Variants in SP100 observed in about 807,000 individuals in gnomAD.
SP100 encodes nuclear autoantigen Sp-100.
SP100 carries 84 observed loss-of-function variants against 130.0 expected under a neutral mutation model. The observed-to-expected ratio is 0.65, with a 90% CI of 0.54 to 0.77. The LOEUF (loss-of-function observed/expected upper bound fraction) is 0.77. Among genes scored for constraint, SP100 ranks in the 30% least tolerant of loss-of-function variants. The pLI is 0.00. For synonymous variants in SP100, 331 were observed against 351.7 expected (o/e 0.94, Z 0.66); for missense variants, 978 against 1,052.2 (o/e 0.93, Z 0.97).
At chr2:230,517,408 G>A (rs1018998977) in intron 24 of SP100, among the ~76,000 whole-genome samples, 7 of 152,052 alleles carry the variant, frequency 4.6e-5, no homozygotes, top group Admixed American at 3.9e-4. Context: ...CTCTTTTAAA[G>A]CTCAGTTTTC....
At position 230,515,907 on chromosome 2, in the gene SP100, AC is replaced by A. The variant is rs550252896; in HGVS notation, c.2094+4742del. 39 of 1,177,852 alleles carry A rather than the reference AC, an allele frequency of 3.3e-5. No homozygotes were observed. The African/African-American group carries it at 5.8e-4, about 18-fold the overall frequency. 73.0% of individuals were successfully genotyped at this position (1,177,852 alleles called of 1,614,324 possible). A position where few individuals can be genotyped will look rare whatever the true frequency, so the allele number is the denominator to read the frequency against. On this transcript the variant is annotated intron_variant, in intron 24 of 28. Coordinates refer to ENST00000340126, the MANE Select transcript of SP100 (RefSeq NM_001080391.2). ...ATTTAAAGCAGGTTCTTGTTAGTGC[AC>A]AGCACAAATTAGTTGTATATGAGGA... is the stretch of plus-strand genomic sequence containing the variant.
chr2:230,507,185 T>C (rs1173025756), intron 22 of SP100: 1 of 152,180 alleles, frequency 6.6e-6, no homozygotes, highest in African/African-American at 2.4e-5. Context: ...GGTCCTGGGC[T>C]TAGTGTACTA....
chr2:230,511,313 G>A, intron 24 of SP100, 147 bp downstream of exon 24: 1 of 684,488 alleles, frequency 1.5e-6, no homozygotes, highest in Non-Finnish European at 2.7e-6. Context: ...CCAGGTACCT[G>A]GGTCTGGGAT....
chr2:230,435,355 G>A (rs62193379), intron 2 of SP100, among the ~76,000 whole-genome samples: 15,861 of 152,094 alleles, frequency 0.1, 878 homozygotes, highest in Admixed American at 0.11. Context: ...TGTAGTCTTT[G>A]CCCATTAATA....
chr2:230,475,750 C>T (rs777697574), intron 17 of SP100, among the ~76,000 whole-genome samples: 5 of 152,204 alleles, frequency 3.3e-5, no homozygotes, highest in Non-Finnish European at 2.9e-5. Flanking sequence ...CGTTTTTCTT[C>T]GTATGTCTAG....
intron 8 of SP100, among the ~76,000 whole-genome samples, chr2:230,455,306 C>G (rs2064218443): frequency 6.6e-6 from 1 of 152,176 alleles, no homozygotes; most frequent in African/African-American, 2.4e-5. Flanking sequence ...TCAAGCAATA[C>G]TTTCACCTCA....
At chr2:230,425,836 A>G (rs973392736) in intron 2 of SP100, among the ~76,000 whole-genome samples, 7 of 151,580 alleles carry the variant, frequency 4.6e-5, no homozygotes, top group South Asian at 2.1e-4. Context: ...AAGGATTGGT[A>G]TTAGTTTCTT....
chr2:230,418,070 G>A (rs888359187), intron 2 of SP100, among the ~76,000 whole-genome samples: 5 of 152,082 alleles, frequency 3.3e-5, no homozygotes, highest in East Asian at 1.9e-4. Flanking sequence ...CGCTGCTACC[G>A]CTATTCCAGG....
At chr2:230,510,817 G>T in intron 23 of SP100, 1 of 402,094 alleles carries the variant, frequency 2.5e-6, no homozygotes, top group Non-Finnish European at 4.5e-6. Context: ...AGACAAACAT[G>T]CCTGCAGGCC....
intron 19 of SP100, among the ~76,000 whole-genome samples, chr2:230,499,203 C>T (rs1053968238): frequency 1.3e-5 from 2 of 151,854 alleles, no homozygotes; most frequent in South Asian, 2.1e-4. Context: ...ACTAAATCAG[C>T]TCTTCAGTCC....
intron 22 of SP100, chr2:230,507,140 A>G (rs1459033324): frequency 6.6e-6 from 1 of 152,120 alleles, no homozygotes; most frequent in Admixed American, 6.6e-5. Flanking sequence ...CCAGTTACTC[A>G]GAAGACAGAA....
At chr2:230,488,315 T>C (rs942857913) in intron 17 of SP100, among the ~76,000 whole-genome samples, 1 of 152,192 alleles carries the variant, frequency 6.6e-6, no homozygotes, top group African/African-American at 2.4e-5. Context: ...TGATATTGGC[T>C]GTGGGTTTGT....
chr2:230,431,315 TG>T (rs2063092977), intron 2 of SP100, among the ~76,000 whole-genome samples: 1 of 152,234 alleles, frequency 6.6e-6, no homozygotes, highest in African/African-American at 2.4e-5. Context: ...CCAGGGAAGC[TG>T]GGTGTCCTCC....
At chr2:230,500,969 G>A (rs192533158) in intron 19 of SP100, among the ~76,000 whole-genome samples, 1 of 152,242 alleles carries the variant, frequency 6.6e-6, no homozygotes, top group African/African-American at 2.4e-5. Flanking sequence ...CAGGCCAGGT[G>A]TGGTGGCTCA....
intron 2 of SP100, among the ~76,000 whole-genome samples, chr2:230,437,014 A>G (rs1236359281): frequency 6.6e-6 from 1 of 151,910 alleles, no homozygotes; most frequent in African/African-American, 2.4e-5. Flanking sequence ...ACACACACAT[A>G]TATATGTAAA....
intron 6 of SP100, 56 bp downstream of exon 6, chr2:230,449,206 T>C (rs1277448454): frequency 8.3e-6 from 13 of 1,570,546 alleles, no homozygotes; most frequent in Non-Finnish European, 9.6e-6. Context: ...CTTTCTGGAA[T>C]GTGCTGTGGG....
intron 17 of SP100, among the ~76,000 whole-genome samples, chr2:230,481,886 A>G (rs1212150270): frequency 3.9e-5 from 6 of 152,188 alleles, no homozygotes; most frequent in Admixed American, 3.9e-4. Flanking sequence ...TTTACCTGGT[A>G]AGAATGGTTT....
intron 8 of SP100, among the ~76,000 whole-genome samples, chr2:230,458,355 T>C (rs1264075962): frequency 6.6e-6 from 1 of 152,184 alleles, no homozygotes; most frequent in Admixed American, 6.5e-5. Context: ...TAGGTAATCA[T>C]AAAGACCTTC....
At chr2:230,486,755 T>C (rs1263296270) in intron 17 of SP100, among the ~76,000 whole-genome samples, 3 of 152,262 alleles carry the variant, frequency 2.0e-5, no homozygotes, top group Admixed American at 6.5e-5. Flanking sequence ...ATCACCATAC[T>C]GTCTTCCACA....
Sources: gnomAD v4.1 joint callset for allele counts (sites outside exome capture counted in the v4.1 genomes callset) on GRCh38, gnomAD v4.1.1 for gene constraint, MANE v1.5 for transcripts, NCBI Gene and HGNC (gene_info 2026-07-23, HGNC 2026-07-21) for gene names.